The following XKR4 variants were observed in gnomAD, a reference collection of about 807,000 sequenced individuals.
The protein encoded by XKR4 is XK related 4.
XKR4 carries 12 observed loss-of-function variants against 53.9 expected under a neutral mutation model. The observed-to-expected ratio is 0.22, with a 90% CI of 0.14 to 0.36. The LOEUF is 0.36. Ranked by LOEUF, XKR4 falls within the 10% of genes least tolerant of loss-of-function variation. XKR4 has a pLI of 1.00. For missense variants in XKR4, 799 were observed against 859.5 expected (o/e 0.93, Z 0.88); for synonymous variants, 354 against 362.4 (o/e 0.98, Z 0.26).
intron 2 of XKR4, chr8:55,454,273 C>T (rs1051844608): frequency 3.2e-5 from 44 of 1,355,600 alleles, no homozygotes; most frequent in Non-Finnish European, 4.0e-5. Context: ...CGTCTAGCAG[C>T]TCCTGGGTCT....
At chr8:55,435,880 T>C (rs1041297430) in intron 2 of XKR4, among the ~76,000 whole-genome samples, 10 of 152,064 alleles carry the variant, frequency 6.6e-5, no homozygotes, top group African/African-American at 2.4e-4. Flanking sequence ...TACTCAGATA[T>C]AAGTTAGCTG....
At chr8:55,257,960 A>G (rs1009883200) in intron 1 of XKR4, among the ~76,000 whole-genome samples, 2 of 152,188 alleles carry the variant, frequency 1.3e-5, no homozygotes, top group Non-Finnish European at 2.9e-5. Context: ...GCCACACAAG[A>G]TGAAACAGTC....
At chr8:55,499,248 T>G (rs1806401371) in intron 2 of XKR4, among the ~76,000 whole-genome samples, 1 of 152,216 alleles carries the variant, frequency 6.6e-6, no homozygotes, top group Non-Finnish European at 1.5e-5. Flanking sequence ...ACTATGAAAT[T>G]TGACATTAAG....
intron 1 of XKR4, among the ~76,000 whole-genome samples, chr8:55,267,431 G>A (rs754310542): frequency 3.9e-5 from 6 of 152,158 alleles, no homozygotes; most frequent in Non-Finnish European, 7.4e-5. Flanking sequence ...GAGGAAGTGA[G>A]ACCCAGAAAA....
intron 2 of XKR4, among the ~76,000 whole-genome samples, chr8:55,369,385 G>A (rs1271092352): frequency 3.4e-5 from 3 of 89,380 alleles, no homozygotes; most frequent in Admixed American, 1.0e-4. Context: ...GGGAGGGGAG[G>A]GGAGGGGAGG....
At chr8:55,164,376 A>C (rs754314361) in intron 1 of XKR4, 1 of 456,266 alleles carries the variant, frequency 2.2e-6, no homozygotes, top group Non-Finnish European at 4.4e-6. Context: ...TCAGAGGTTC[A>C]GCCTTTAACA....
chr8:55,288,577 G>C (rs1448736236), intron 1 of XKR4, among the ~76,000 whole-genome samples: 1 of 152,146 alleles, frequency 6.6e-6, no homozygotes, highest in Non-Finnish European at 1.5e-5. Flanking sequence ...GCTCAGTACA[G>C]AGCAAAGTGT....
intron 1 of XKR4, among the ~76,000 whole-genome samples, chr8:55,205,188 G>T (rs2129362770): frequency 6.6e-6 from 1 of 152,318 alleles, no homozygotes; most frequent in South Asian, 2.1e-4. Context: ...TAAAGGAGAT[G>T]GTTATTAGGC....
intron 2 of XKR4, among the ~76,000 whole-genome samples, chr8:55,434,922 G>A (rs563364436): frequency 6.6e-6 from 1 of 152,328 alleles, no homozygotes; most frequent in South Asian, 2.1e-4. Flanking sequence ...GGTTCACCCT[G>A]CAGCCCATCA....
In XKR4 at chr8:55,481,536, A is replaced by G. The variant is rs573635560; in HGVS notation, c.1007-41745A>G. On this transcript the variant is annotated intron_variant, in intron 2 of 2. Coordinates refer to ENST00000327381, the MANE Select transcript of XKR4 (RefSeq NM_052898.2). ...AAAAGCAATGGCAACAAAAGCCAAAATTGACAATGGGATCTAATTAAACTA... is the reference window on the plus strand; with the variant it reads ...AAAAGCAATGGCAACAAAAGCCAAAGTTGACAATGGGATCTAATTAAACTA... 8.5e-5 allele frequency among the ~76,000 whole-genome samples: 13 copies of G among 152,336 alleles called. No homozygotes were observed. In the South Asian group the frequency reaches 2.5e-3, roughly 29 times the overall value.
chr8:55,389,230 C>A (rs1804402235), intron 2 of XKR4, among the ~76,000 whole-genome samples: 1 of 152,184 alleles, frequency 6.6e-6, no homozygotes, highest in Admixed American at 6.5e-5. Flanking sequence ...GGACTTCCAG[C>A]CTCCAGAACT....
chr8:55,276,763 A>G (rs973877697), intron 1 of XKR4, among the ~76,000 whole-genome samples: 1 of 152,262 alleles, frequency 6.6e-6, no homozygotes, highest in Non-Finnish European at 1.5e-5. Flanking sequence ...TCAAGACAGA[A>G]AGAAATCATC....
chr8:55,167,245 T>G (rs1817082859), intron 1 of XKR4, among the ~76,000 whole-genome samples: 1 of 152,250 alleles, frequency 6.6e-6, no homozygotes, highest in African/African-American at 2.4e-5. Context: ...TTATAAGTTC[T>G]GTACTTGGGT....
Sources: gnomAD v4.1 joint callset for allele counts (sites outside exome capture counted in the v4.1 genomes callset) on GRCh38, gnomAD v4.1.1 for gene constraint, MANE v1.5 for transcripts, NCBI Gene and HGNC (gene_info 2026-07-23, HGNC 2026-07-21) for gene names.